UTRN: variants seen among roughly 807,000 people sequenced by gnomAD.
UTRN encodes the protein dystrophin-related protein 1.
UTRN carries 283 observed loss-of-function variants against 463.9 expected under a neutral mutation model. The ratio of observed to expected loss-of-function variants is 0.61; its 90% confidence interval spans 0.55 to 0.67. The LOEUF is 0.67. Ranked by LOEUF, UTRN falls within the 30% of genes least tolerant of loss-of-function variation. UTRN has a pLI of 0.00. For missense variants in UTRN, 3,922 were observed against 4,084.3 expected (o/e 0.96, Z 1.08); for synonymous variants, 1,442 against 1,431.5 (o/e 1.01, Z -0.17).
At chr6:144,565,627 A>G (rs549171630) in intron 50 of UTRN, among the ~76,000 whole-genome samples, 1 of 152,260 alleles carries the variant, frequency 6.6e-6, no homozygotes, top group East Asian at 1.9e-4. Context: ...TCTTAGAGGA[A>G]ATGGAGAGAG....
At chr6:144,552,787 C>T (rs934027341) in intron 48 of UTRN, among the ~76,000 whole-genome samples, 6 of 152,128 alleles carry the variant, frequency 3.9e-5, no homozygotes, top group African/African-American at 9.7e-5. Context: ...TATTTACTCT[C>T]GCTTGATGTC....
chr6:144,510,949 T>C lies in UTRN; in HGVS notation c.4770T>C (p.Val1590=). ...TTGGTGTTTTTATTTTCTAGAATGT[T>C]CTGAAGGATCTGGAAAAGAGAAAAG... ...LDTEISWAKN[V]LKDLEKRKAD... Residue 1590 remains valine (V), a synonymous_variant, in exon 35 of 75, where the codon GTT becomes GTC. Transcript: ENST00000367545. 6.3e-7 allele frequency: 1 copy of C among 1,589,922 alleles called. No individual in the cohort carries two copies. Among genetic ancestry groups the C allele is most frequent in the Non-Finnish European group, 8.6e-7 (1 of 1,164,858 alleles).
chr6:144,752,345 C>A (rs1446893142), intron 56 of UTRN, among the ~76,000 whole-genome samples: 1 of 150,440 alleles, frequency 6.6e-6, no homozygotes. Flanking sequence ...TGTTTTTCTT[C>A]TAACTGGTTG....
intron 66 of UTRN, among the ~76,000 whole-genome samples, chr6:144,822,644 T>G (rs1456421174): frequency 6.6e-6 from 1 of 152,160 alleles, no homozygotes; most frequent in African/African-American, 2.4e-5. Flanking sequence ...CTTTTGGTCC[T>G]CTTTTTGATT....
At chr6:144,411,691 G>A (rs1458026928) in intron 3 of UTRN, among the ~76,000 whole-genome samples, 1 of 152,138 alleles carries the variant, frequency 6.6e-6, no homozygotes, top group South Asian at 2.1e-4. Flanking sequence ...GATTCGGAGT[G>A]TTCTCTGCAC....
chr6:144,668,723 G>A (rs1355974620), intron 51 of UTRN, among the ~76,000 whole-genome samples: 2 of 152,036 alleles, frequency 1.3e-5, no homozygotes, highest in African/African-American at 4.8e-5. Flanking sequence ...GTTCATGAGA[G>A]CTCCACCCAT....
At chr6:144,434,099 G>C (rs1335380463) in intron 9 of UTRN, among the ~76,000 whole-genome samples, 3 of 152,242 alleles carry the variant, frequency 2.0e-5, no homozygotes, top group African/African-American at 7.2e-5. Flanking sequence ...CCGGCACCTC[G>C]GGAGGCCGAG....
rs550497257 is a variant in UTRN at position 144,818,111 on chromosome 6, C to G, written c.9358-2771C>G. ...GTCATTTTTTTCACAAGCAAGAGTT[C>G]ATGTTGGAACTCAAATATAGATAAA... On this transcript the variant is annotated intron_variant, in intron 65 of 74. Transcript: ENST00000367545. Among the ~76,000 whole-genome samples, 11 of 152,156 alleles carry G rather than the reference C, an allele frequency of 7.2e-5. No homozygotes were observed. The South Asian group carries it at 2.1e-3, about 29-fold the overall frequency.
chr6:144,557,064 A>G (rs1167583728), intron 49 of UTRN, 93 bp from the exon 50 acceptor site: 1 of 1,465,124 alleles, frequency 6.8e-7, no homozygotes, highest in Non-Finnish European at 9.2e-7. Flanking sequence ...CTGTATCTAA[A>G]GCATGTCAAA....
intron 51 of UTRN, among the ~76,000 whole-genome samples, chr6:144,631,954 C>T (rs1340790474): frequency 6.6e-6 from 1 of 152,144 alleles, no homozygotes; most frequent in Non-Finnish European, 1.5e-5. Context: ...GACATTGCTA[C>T]CCTTTGGATG....
At chr6:144,627,088 T>C (rs576094330) in intron 51 of UTRN, among the ~76,000 whole-genome samples, 1 of 149,702 alleles carries the variant, frequency 6.7e-6, no homozygotes, top group South Asian at 2.1e-4. Flanking sequence ...TGTGTGTGTG[T>C]GTGCACTACG....
intron 2 of UTRN, among the ~76,000 whole-genome samples, chr6:144,331,285 C>A (rs1180007647): frequency 6.6e-6 from 1 of 152,150 alleles, no homozygotes; most frequent in African/African-American, 2.4e-5. Flanking sequence ...GCTTACTAAC[C>A]TTGTAAATCA....
chr6:144,307,268 G>A (rs896574140), intron 2 of UTRN, among the ~76,000 whole-genome samples: 4 of 152,144 alleles, frequency 2.6e-5, no homozygotes, highest in African/African-American at 9.7e-5. Flanking sequence ...TATCTCCCAA[G>A]GGCATAGGAA....
intron 32 of UTRN, among the ~76,000 whole-genome samples, chr6:144,492,070 A>T (rs1358783777): frequency 6.6e-6 from 1 of 152,166 alleles, no homozygotes; most frequent in Non-Finnish European, 1.5e-5. Context: ...CACGTTTGAT[A>T]CATGGATATA....
intron 2 of UTRN, among the ~76,000 whole-genome samples, chr6:144,334,595 A>G (rs1183578708): frequency 6.6e-6 from 1 of 152,174 alleles, no homozygotes; most frequent in Admixed American, 6.5e-5. Flanking sequence ...CCTTACTGCT[A>G]TTGAGGAACA....
rs753367282 is a variant in UTRN at position 144,461,222 on chromosome 6, A to G, written c.2733A>G (p.Ala911=). The G allele has an allele frequency of 8.1e-6, 13 of 1,598,942 alleles. No homozygotes were observed. The highest frequency in any genetic ancestry group is 4.0e-5 in the African/African-American group (3 of 74,456). Residue 911 remains alanine (A), a synonymous_variant, in exon 22 of 75, where the codon GCA becomes GCG. Coordinates refer to ENST00000367545, the MANE Select transcript of UTRN (RefSeq NM_007124.3). ...AACTGAAGGGCCAACCTGGACATGC[A>G]TATCTGGAAACATTGAAAACACTGA... ...ENELKGQPGH[A]YLETLKTLKD...
chr6:144,494,278 A>G (rs1469634611), intron 33 of UTRN, among the ~76,000 whole-genome samples: 1 of 151,874 alleles, frequency 6.6e-6, no homozygotes. Context: ...TGGTGGGTTC[A>G]TGGTCTTCCT....
intron 34 of UTRN, among the ~76,000 whole-genome samples, chr6:144,499,734 C>CA (rs1794002589): frequency 6.6e-6 from 1 of 152,068 alleles, no homozygotes; most frequent in South Asian, 2.1e-4. Flanking sequence ...GCATAGTACC[C>CA]ACTAGGTAGT....
chr6:144,515,200 C>T (rs539270000), intron 37 of UTRN, among the ~76,000 whole-genome samples: 17 of 152,254 alleles, frequency 1.1e-4, no homozygotes, highest in African/African-American at 3.9e-4. Flanking sequence ...CTGCTGCACC[C>T]GGCCAACAAT....
Sources: allele counts gnomAD v4.1 joint callset (sites outside exome capture counted in the v4.1 genomes callset), GRCh38; gene constraint gnomAD v4.1.1; transcripts MANE v1.5; gene names NCBI Gene and HGNC (gene_info 2026-07-23, HGNC 2026-07-21).